Variants in NRXN3 observed in about 807,000 individuals in gnomAD.
NRXN3 encodes neurexin III.
A neutral mutation model predicts 137.6 loss-of-function variants in NRXN3; 32 were observed. That is an observed-to-expected ratio of 0.23 (90% CI 0.18 to 0.31). The LOEUF (loss-of-function observed/expected upper bound fraction) is 0.31, where lower values mean the gene tolerates loss of function less well. Among genes scored for constraint, NRXN3 ranks in the 10% least tolerant of loss-of-function variants. NRXN3 has a pLI of 1.00. For missense variants in NRXN3, 1,574 were observed against 2,062.5 expected, an observed-to-expected ratio of 0.76 and a Z score of 4.59; for synonymous variants, 798 against 784.5, an observed-to-expected ratio of 1.02 and a Z score of -0.29.
intron 14 of NRXN3, among the ~76,000 whole-genome samples, chr14:78,975,657 C>T (rs1487166055): frequency 2.0e-5 from 3 of 152,226 alleles, no homozygotes; most frequent in South Asian, 2.1e-4. Flanking sequence ...TATTCCAAGA[C>T]AGAGGGAAGA....
At chr14:78,792,425 A>G (rs2098808611) in intron 8 of NRXN3, among the ~76,000 whole-genome samples, 1 of 152,132 alleles carries the variant, frequency 6.6e-6, no homozygotes, top group African/African-American at 2.4e-5. Context: ...GAAAAAAACC[A>G]GAGATTAAAT....
At chr14:78,815,059 A>G (rs777166182) in intron 10 of NRXN3, among the ~76,000 whole-genome samples, 59 of 152,112 alleles carry the variant, frequency 3.9e-4, no homozygotes, top group Middle Eastern at 3.4e-3. Context: ...TCTAAAATGG[A>G]GTGTATATGT....
Position 79,865,830 on chromosome 14 carries a change from G to T in NRXN3, c.*3866G>T, listed in dbSNP as rs1160722943. The T allele has an allele frequency of 6.6e-6, 1 of 152,044 alleles. No individual in the cohort carries two copies. Among genetic ancestry groups the T allele is most frequent in the South Asian group, 2.1e-4 (1 of 4,816 alleles). The allele number at this position is 152,044 out of a possible 1,614,324, so 9.4% of individuals were successfully genotyped here. A position where few individuals can be genotyped will look rare whatever the true frequency, so the allele number is the denominator to read the frequency against. Reference sequence around the variant, plus strand: ...TTTTTTATTTTTTTAGTAAGGAAGGGTTTCACCATGTTGGCAAGGCTGGTC... The same window carrying T: ...TTTTTTATTTTTTTAGTAAGGAAGGTTTTCACCATGTTGGCAAGGCTGGTC... On this transcript the variant is annotated 3_prime_UTR_variant, in exon 21 of 21. Transcript: ENST00000335750.
Position 78,182,233 on chromosome 14 carries a change from ATGT to A in NRXN3, c.-704+11561_-704+11563del, listed in dbSNP as rs576956697. On this transcript the variant is annotated intron_variant, in intron 1 of 20. Coordinates refer to ENST00000335750, the MANE Select transcript of NRXN3 (RefSeq NM_001330195.2). ...CACAATGGGTCTTGGAGAAGAGCTAATGTTATTATTGTTGCCTTGTTACGGAAG... is the reference window on the plus strand; with the variant it reads ...CACAATGGGTCTTGGAGAAGAGCTAATATTATTGTTGCCTTGTTACGGAAG... Among the ~76,000 whole-genome samples, 6 of 152,196 alleles carry A rather than the reference ATGT, an allele frequency of 3.9e-5. No individual in the cohort carries two copies. In the East Asian group the frequency reaches 1.2e-3, roughly 29 times the overall value.
chr14:79,200,188 C>T (rs2065768473), intron 15 of NRXN3: 3 of 152,274 alleles, frequency 2.0e-5, no homozygotes, highest in African/African-American at 7.2e-5. Context: ...TGAAATAACC[C>T]AGTGAGAATA....
At chr14:78,600,277 A>G (rs2097192034) in intron 4 of NRXN3, among the ~76,000 whole-genome samples, 1 of 152,174 alleles carries the variant, frequency 6.6e-6, no homozygotes, top group Admixed American at 6.5e-5. Context: ...TTTGAAGAGA[A>G]CAGGTGGCTC....
intron 4 of NRXN3, among the ~76,000 whole-genome samples, chr14:78,582,979 C>G (rs899334076): frequency 2.0e-5 from 3 of 151,928 alleles, no homozygotes; most frequent in Non-Finnish European, 2.9e-5. Flanking sequence ...CCCTTTTTGC[C>G]TTTATAAATG....
At chr14:78,583,584 A>G (rs2097027315) in intron 4 of NRXN3, among the ~76,000 whole-genome samples, 1 of 152,234 alleles carries the variant, frequency 6.6e-6, no homozygotes, top group Non-Finnish European at 1.5e-5. Context: ...TTGTTTTGTA[A>G]TAGTAAAATT....
chr14:79,814,012 A>T (rs2099243938), intron 20 of NRXN3, among the ~76,000 whole-genome samples: 1 of 152,226 alleles, frequency 6.6e-6, no homozygotes, highest in Non-Finnish European at 1.5e-5. Context: ...GTAGCGCATC[A>T]ACTAACCATG....
At chr14:79,262,483 AAGG>A (rs947549506) in intron 15 of NRXN3, among the ~76,000 whole-genome samples, 2 of 148,774 alleles carry the variant, frequency 1.3e-5, no homozygotes, top group Non-Finnish European at 3.0e-5. Flanking sequence ...GGAGGAGGAG[AAGG>A]AGGAGAATGA....
At chr14:79,604,711 A>C (rs184772780) in intron 16 of NRXN3, among the ~76,000 whole-genome samples, 14 of 152,308 alleles carry the variant, frequency 9.2e-5, no homozygotes, top group Admixed American at 7.2e-4. Flanking sequence ...TCAGAGCAGA[A>C]GCTCTTTCTT....
chr14:79,376,122 A>G (rs1409041069), intron 15 of NRXN3, among the ~76,000 whole-genome samples: 1 of 147,104 alleles, frequency 6.8e-6, no homozygotes, highest in Non-Finnish European at 1.5e-5. Context: ...ATATATGTAC[A>G]TATATGTATT....
chr14:79,672,713 AATT>A (rs2098616272), intron 17 of NRXN3, among the ~76,000 whole-genome samples: 1 of 152,020 alleles, frequency 6.6e-6, no homozygotes, highest in Non-Finnish European at 1.5e-5. Flanking sequence ...GAAAACTTAG[AATT>A]ATTATCCCAG....
At chr14:78,282,805 CA>C in intron 3 of NRXN3, among the ~76,000 whole-genome samples, 1 of 152,316 alleles carries the variant, frequency 6.6e-6, no homozygotes, top group African/African-American at 2.4e-5. Flanking sequence ...CCACTCAGTC[CA>C]GCCTGAACCC....
chr14:79,122,088 G>A (rs749560567), intron 15 of NRXN3, among the ~76,000 whole-genome samples: 9 of 152,024 alleles, frequency 5.9e-5, no homozygotes, highest in Non-Finnish European at 1.0e-4. Flanking sequence ...TTTTTGTCTT[G>A]CAATGCATTC....
intron 19 of NRXN3, among the ~76,000 whole-genome samples, chr14:79,739,648 C>CA (rs72347811): frequency 0.22 from 6,871 of 31,752 alleles, 1,954 homozygotes; most frequent in East Asian, 0.52. Context: ...GACTCTGCCT[C>CA]AAAAAAAAAA....
At position 78,768,682 on chromosome 14, in the gene NRXN3, G is replaced by T. The variant is rs538565380; in HGVS notation, c.2045-34938G>T. Among the ~76,000 whole-genome samples the T allele has an allele frequency of 3.9e-5, 6 of 152,216 alleles. No individual in the cohort carries two copies. The South Asian group carries it at 1.2e-3, about 32-fold the overall frequency. ...TCTGAATATCTTTCTATCCTTAAAG[G>T]CCCGGCACAGTGCTAAGTACATAGT... On this transcript the variant is annotated intron_variant, in intron 8 of 20. Transcript: ENST00000335750.
Position 78,788,634 on chromosome 14 carries a change from C to G in NRXN3, c.2045-14986C>G, listed in dbSNP as rs145094377. ...CTGCACTCTAGCAATTGGCCCTCCC[C>G]TAGACCCATTAGGGAAAGTAAAAGG... On this transcript the variant is annotated intron_variant, in intron 8 of 20. Transcript: ENST00000335750. Among the ~76,000 whole-genome samples the G allele has an allele frequency of 2.3e-3, 349 of 152,286 alleles. 2 individuals carry two copies. The highest frequency in any genetic ancestry group is 8.1e-3 in the African/African-American group (338 of 41,568).
chr14:79,772,676 G>A (rs1001377269), intron 19 of NRXN3, among the ~76,000 whole-genome samples: 8 of 152,022 alleles, frequency 5.3e-5, no homozygotes, highest in East Asian at 3.9e-4. Flanking sequence ...TAAAAACCCT[G>A]GAAGAAAACC....
Sources: gnomAD v4.1 joint callset for allele counts (sites outside exome capture counted in the v4.1 genomes callset) on GRCh38, gnomAD v4.1.1 for gene constraint, MANE v1.5 for transcripts, NCBI Gene and HGNC (gene_info 2026-07-23, HGNC 2026-07-21) for gene names.